The following DMXL2 variants were observed in gnomAD, a reference collection of about 807,000 sequenced individuals.
DMXL2 encodes Dmx like 2.
A neutral mutation model predicts 331.1 loss-of-function variants in DMXL2; 103 were observed. The ratio of observed to expected loss-of-function variants is 0.31; its 90% CI spans 0.27 to 0.37. The LOEUF (loss-of-function observed/expected upper bound fraction) is 0.37, where lower values mean the gene tolerates loss of function less well. DMXL2 is among the 10% of genes least tolerant of loss of function. The pLI is 1.00. For missense variants in DMXL2, 3,171 were observed against 3,642.9 expected, an observed-to-expected ratio of 0.87 and a Z score of 3.33; for synonymous variants, 1,281 against 1,252.1, an observed-to-expected ratio of 1.02 and a Z score of -0.49.
At chr15:51,453,391 T>G in intron 41 of DMXL2, 159 bp downstream of exon 41, 1 of 504,610 alleles carries the variant, frequency 2.0e-6, no homozygotes, top group East Asian at 3.4e-5. Flanking sequence ...GCTTTTCTCT[T>G]TTTGGTAAGA....
intron 1 of DMXL2, among the ~76,000 whole-genome samples, chr15:51,582,970 A>G (rs1291131935): frequency 6.6e-6 from 1 of 152,002 alleles, no homozygotes; most frequent in African/African-American, 2.4e-5. Context: ...AATATATAAA[A>G]GTATATCTTT....
intron 22 of DMXL2, among the ~76,000 whole-genome samples, chr15:51,487,571 C>T (rs781761007): frequency 6.6e-6 from 1 of 152,144 alleles, no homozygotes; most frequent in Non-Finnish European, 1.5e-5. Flanking sequence ...GATTCTCTTG[C>T]CTCAGCCTCC....
chr15:51,566,100 T>C (rs2050252380), intron 3 of DMXL2, among the ~76,000 whole-genome samples: 1 of 152,092 alleles, frequency 6.6e-6, no homozygotes, highest in African/African-American at 2.4e-5. Flanking sequence ...ACCCAGCTAC[T>C]TTGGAGGCTG....
At chr15:51,606,271 G>A (rs539006781) in intron 1 of DMXL2, among the ~76,000 whole-genome samples, 4 of 152,226 alleles carry the variant, frequency 2.6e-5, no homozygotes, top group African/African-American at 9.6e-5. Flanking sequence ...GCAGTGGCGC[G>A]ATCTCAGCTC....
chr15:51,543,380 C>T (rs142211750), intron 8 of DMXL2, among the ~76,000 whole-genome samples: 1 of 152,302 alleles, frequency 6.6e-6, no homozygotes, highest in East Asian at 1.9e-4. Context: ...TCAATTTCTA[C>T]AGCCCTTCTC....
intron 13 of DMXL2, among the ~76,000 whole-genome samples, chr15:51,530,530 T>C (rs776217705): frequency 4.0e-5 from 6 of 149,998 alleles, no homozygotes; most frequent in Non-Finnish European, 5.9e-5. Flanking sequence ...GGCGAGCAGA[T>C]CACGAGGTCA....
intron 13 of DMXL2, among the ~76,000 whole-genome samples, chr15:51,527,713 T>C (rs559154823): frequency 6.6e-6 from 1 of 150,910 alleles, no homozygotes; most frequent in South Asian, 2.1e-4. Flanking sequence ...AAGAGCGAGA[T>C]TCTGCCTCCA....
chr15:51,490,393 G>A (rs1414728015), intron 20 of DMXL2, among the ~76,000 whole-genome samples: 1 of 152,128 alleles, frequency 6.6e-6, no homozygotes, highest in Non-Finnish European at 1.5e-5. Flanking sequence ...TACTATTAAG[G>A]AATAAATCAG....
intron 13 of DMXL2, among the ~76,000 whole-genome samples, chr15:51,517,876 T>C (rs2047124423): frequency 6.6e-6 from 1 of 152,214 alleles, no homozygotes; most frequent in African/African-American, 2.4e-5. Flanking sequence ...GTAGAAACTT[T>C]CTTATTTGTA....
chr15:51,534,767 C>G (rs1340792906), intron 13 of DMXL2, among the ~76,000 whole-genome samples: 1 of 152,164 alleles, frequency 6.6e-6, no homozygotes, highest in African/African-American at 2.4e-5. Context: ...AATTTTCTCA[C>G]TCAGGCAAAG....
chr15:51,546,264 G>A (rs939278532), intron 7 of DMXL2, among the ~76,000 whole-genome samples: 3 of 151,696 alleles, frequency 2.0e-5, no homozygotes, highest in African/African-American at 7.3e-5. Flanking sequence ...AAGCAAAAAC[G>A]GCATGGCATG....
At chr15:51,460,154 C>T (rs930919) in intron 33 of DMXL2, 731,615 of 982,780 alleles carry the variant, frequency 0.74, 273,231 homozygotes, top group African/African-American at 0.83. Flanking sequence ...AAATCAGGCA[C>T]GGAAAAAGAA....
At chr15:51,469,890 C>T (rs180766262) in intron 29 of DMXL2, among the ~76,000 whole-genome samples, 3 of 152,164 alleles carry the variant, frequency 2.0e-5, no homozygotes, top group East Asian at 2.0e-4. Context: ...AAGTATAACT[C>T]GGACCCTGAT....
At position 51,579,905 on chromosome 15, in the gene DMXL2, G is replaced by T. The variant is rs75268363; in HGVS notation, c.88-3724C>A. Among the ~76,000 whole-genome samples, 97 of 152,222 alleles carry T rather than the reference G, an allele frequency of 6.4e-4. No homozygotes were observed. The East Asian group carries it at 0.018, about 29-fold the overall frequency. On this transcript the variant is annotated intron_variant, in intron 1 of 43. Coordinates refer to ENST00000560891, the MANE Select transcript of DMXL2 (RefSeq NM_001378457.1). ...TACAAAAATTATCATTATCTTCACAGGCCTGCTTTTGAAGACAGAGAAGCT... is the reference window on the plus strand; with the variant it reads ...TACAAAAATTATCATTATCTTCACATGCCTGCTTTTGAAGACAGAGAAGCT...
intron 1 of DMXL2, among the ~76,000 whole-genome samples, chr15:51,593,517 G>A (rs2052556421): frequency 1.3e-5 from 2 of 152,028 alleles, no homozygotes; most frequent in Non-Finnish European, 2.9e-5. Context: ...GAGACAGAAG[G>A]TTAACAAGGA....
At chr15:51,566,411 C>T (rs933865509) in intron 3 of DMXL2, among the ~76,000 whole-genome samples, 6 of 152,294 alleles carry the variant, frequency 3.9e-5, no homozygotes, top group Admixed American at 3.9e-4. Flanking sequence ...TACTGTTCAA[C>T]AAATCTATTT....
rs146673763 is a variant in DMXL2 at position 51,474,392 on chromosome 15, C to T, written c.7165G>A (p.Gly2389Ser). ...CGAGGTTTCACAACAAGTTTTACACCGCCTCCAAAAACAGCAGCCCACATT... is the reference window on the plus strand; with the variant it reads ...CGAGGTTTCACAACAAGTTTTACACTGCCTCCAAAAACAGCAGCCCACATT... The part of the protein sequence containing the change: ...NRMWAAVFGG[G>S]VKLVVKPRRQ... The change falls in exon 28 of 44, where the codon GGT becomes AGT. Residue 2389 changes from glycine (G) to serine (S), a missense_variant. Gly to Ser is a moderately conservative substitution (Grantham distance 56, BLOSUM62 0). This residue lies in a region of DMXL2 where 766 missense variants were observed against 940.5 expected (regional missense o/e 0.81). Coordinates refer to ENST00000560891, the MANE Select transcript of DMXL2 (RefSeq NM_001378457.1). 24 of 1,613,416 alleles carry T rather than the reference C, an allele frequency of 1.5e-5. No homozygotes were observed. The highest frequency in any genetic ancestry group is 1.7e-5 in the Admixed American group (1 of 59,976).
chr15:51,533,789 G>T (rs944048210), intron 13 of DMXL2, among the ~76,000 whole-genome samples: 2 of 152,162 alleles, frequency 1.3e-5, no homozygotes, highest in Admixed American at 6.6e-5. Context: ...AATGAAAATG[G>T]AGAAAGATTT....
At chr15:51,526,999 C>T (rs1324118257) in intron 13 of DMXL2, among the ~76,000 whole-genome samples, 3 of 152,070 alleles carry the variant, frequency 2.0e-5, no homozygotes, top group Non-Finnish European at 4.4e-5. Context: ...CAGGGAAATT[C>T]CCAAGACTAC....
Sources: gnomAD v4.1 joint callset for allele counts (sites outside exome capture counted in the v4.1 genomes callset) on GRCh38, gnomAD v4.1.1 for gene constraint, gnomAD v4.1.1 regional missense constraint, MANE v1.5 for transcripts, NCBI Gene and HGNC (gene_info 2026-07-23, HGNC 2026-07-21) for gene names.